The following EMP2 variants were observed in gnomAD, a reference collection of about 807,000 sequenced individuals.
EMP2 encodes epithelial membrane protein 2.
A neutral mutation model predicts 13.7 loss-of-function variants in EMP2; 19 were observed. The ratio of observed to expected loss-of-function variants is 1.38; its 90% confidence interval spans 0.97 to 2.03. The LOEUF is 2.03. EMP2 is among the 30% of genes most tolerant of loss of function. The pLI, the probability that EMP2 is intolerant of heterozygous loss-of-function variation, is 0.00. For synonymous variants in EMP2, 97 were observed against 84.7 expected, an observed-to-expected ratio of 1.15 and a Z score of -0.80; for missense variants, 253 against 220.7, an observed-to-expected ratio of 1.15 and a Z score of -0.93.
intron 1 of EMP2, among the ~76,000 whole-genome samples, chr16:10,569,921 G>A (rs2050935580): frequency 6.6e-6 from 1 of 152,164 alleles, no homozygotes; most frequent in South Asian, 2.1e-4. Flanking sequence ...AACTGCAGGA[G>A]GGAGAGGGAG....
At chr16:10,570,788 G>A (rs1216794771) in intron 1 of EMP2, among the ~76,000 whole-genome samples, 4 of 151,930 alleles carry the variant, frequency 2.6e-5, no homozygotes, top group African/African-American at 9.7e-5. Flanking sequence ...CGATCCTCCT[G>A]CCTCGGCCTT....
At chr16:10,573,253 G>T (rs2050960069) in intron 1 of EMP2, among the ~76,000 whole-genome samples, 1 of 151,986 alleles carries the variant, frequency 6.6e-6, no homozygotes, top group Non-Finnish European at 1.5e-5. Context: ...GTCTCATTAT[G>T]TTGCCCAGGC....
chr16:10,570,800 CA>C (rs1221055959), intron 1 of EMP2, among the ~76,000 whole-genome samples: 2 of 152,118 alleles, frequency 1.3e-5, no homozygotes, highest in African/African-American at 2.4e-5. Context: ...CTCGGCCTTC[CA>C]AAGTGCTGGG....
At chr16:10,576,172 T>A (rs2050983018) in intron 1 of EMP2, among the ~76,000 whole-genome samples, 1 of 152,044 alleles carries the variant, frequency 6.6e-6, no homozygotes, top group African/African-American at 2.4e-5. Context: ...TTACATTTTT[T>A]CCCCCAATAC....
intron 1 of EMP2, among the ~76,000 whole-genome samples, chr16:10,575,513 C>T (rs1326408484): frequency 6.6e-6 from 1 of 151,848 alleles, no homozygotes; most frequent in Non-Finnish European, 1.5e-5. Context: ...CTCGGCCTCC[C>T]AAAGTTCTGG....
intron 1 of EMP2, among the ~76,000 whole-genome samples, chr16:10,561,889 T>C (rs1276499975): frequency 2.0e-5 from 3 of 152,154 alleles, no homozygotes; most frequent in African/African-American, 7.2e-5. Context: ...ATTTAAAATC[T>C]GGCAATAAAA....
intron 1 of EMP2, among the ~76,000 whole-genome samples, chr16:10,574,566 T>A (rs1040288603): frequency 1.5e-5 from 2 of 130,528 alleles, no homozygotes; most frequent in Non-Finnish European, 3.0e-5. Context: ...AAATTATACA[T>A]TTTTTTTTTT....
intron 1 of EMP2, chr16:10,576,406 A>G (rs2050984348): frequency 6.6e-6 from 1 of 152,126 alleles, no homozygotes; most frequent in African/African-American, 2.4e-5. Context: ...AGAAATCTTC[A>G]AAGTGCACGA....
chr16:10,547,716 T>C, intron 1 of EMP2, 39 bp from the exon 2 acceptor site: 1 of 1,211,372 alleles, frequency 8.3e-7, no homozygotes, highest in Non-Finnish European at 1.2e-6. Flanking sequence ...AATCTGTCAA[T>C]GACAAAACAA....
intron 1 of EMP2, among the ~76,000 whole-genome samples, chr16:10,574,510 T>C (rs2050969228): frequency 1.3e-5 from 2 of 151,608 alleles, no homozygotes; most frequent in African/African-American, 4.8e-5. Context: ...CACCCACTGC[T>C]CCTCCAGCAG....
chr16:10,579,334 G>A (rs1274392198), intron 1 of EMP2, among the ~76,000 whole-genome samples: 1 of 152,196 alleles, frequency 6.6e-6, no homozygotes, highest in African/African-American at 2.4e-5. Context: ...AGACTGGAGT[G>A]CAGAGGTGGC....
chr16:10,551,414 T>C (rs188321955), intron 1 of EMP2, among the ~76,000 whole-genome samples: 1 of 152,330 alleles, frequency 6.6e-6, no homozygotes, highest in East Asian at 1.9e-4. Flanking sequence ...GATTTTCGTT[T>C]GTTTGTTTTT....
chr16:10,572,253 C>G (rs543581484), intron 1 of EMP2, among the ~76,000 whole-genome samples: 5 of 152,068 alleles, frequency 3.3e-5, no homozygotes, highest in African/African-American at 9.6e-5. Flanking sequence ...GCCAGGAATT[C>G]GAGAGCTGCC....
intron 1 of EMP2, among the ~76,000 whole-genome samples, chr16:10,560,571 C>T (rs1485675540): frequency 2.0e-5 from 3 of 152,234 alleles, no homozygotes; most frequent in African/African-American, 7.2e-5. Context: ...CTGCTATGTA[C>T]TGGGCATGAG....
chr16:10,548,588 G>A lies in EMP2; in HGVS notation c.-60-911C>T, dbSNP rs1415186548. Among the ~76,000 whole-genome samples the A allele has an allele frequency of 2.0e-5, 3 of 151,990 alleles. No individual in the cohort carries two copies. In the East Asian group the frequency reaches 5.8e-4, roughly 29 times the overall value. On this transcript the variant is annotated intron_variant, in intron 1 of 4. Transcript: ENST00000359543. ...AGGTGCCTGTGGTCCCACCTACTTG[G>A]TAAACTAAGACAGAAGGATTGCTTG...
At chr16:10,569,864 G>A (rs530059760) in intron 1 of EMP2, among the ~76,000 whole-genome samples, 3 of 152,268 alleles carry the variant, frequency 2.0e-5, no homozygotes, top group East Asian at 1.9e-4. Context: ...TGGTATAAAC[G>A]GATGCTGATC....
intron 1 of EMP2, among the ~76,000 whole-genome samples, chr16:10,569,519 T>C (rs7190166): frequency 0.06 from 9,075 of 151,930 alleles, 361 homozygotes; most frequent in South Asian, 0.11. Flanking sequence ...GGGGTCTCCC[T>C]ATGTTCCTTG....
At position 10,532,612 on chromosome 16, in the gene EMP2, T is replaced by C. The variant is rs771194208; in HGVS notation, c.*293A>G. ...TAAGAAATGTCCTGCCGAGTGCTTT[T>C]GGATTTGAGCATTGCTGGATTTTTG... is the stretch of plus-strand genomic sequence containing the variant. On this transcript the variant is annotated 3_prime_UTR_variant, in exon 5 of 5. Transcript: ENST00000359543. The C allele has an allele frequency of 1.4e-4, 26 of 189,374 alleles. No individual in the cohort carries two copies. The highest frequency in any genetic ancestry group is 4.3e-4 in the Admixed American group (7 of 16,284). 11.7% of individuals were successfully genotyped at this position (189,374 alleles called of 1,614,324 possible).
At chr16:10,550,773 G>A (rs560377619) in intron 1 of EMP2, among the ~76,000 whole-genome samples, 13 of 152,200 alleles carry the variant, frequency 8.5e-5, no homozygotes, top group Admixed American at 3.9e-4. Context: ...TCTGGAGTTC[G>A]AGACCAGCCT....
Sources: allele counts gnomAD v4.1 joint callset (sites outside exome capture counted in the v4.1 genomes callset), GRCh38; gene constraint gnomAD v4.1.1; transcripts MANE v1.5; gene names NCBI Gene and HGNC (gene_info 2026-07-23, HGNC 2026-07-21).